SSX5: variants seen among roughly 807,000 people sequenced by gnomAD.
The protein encoded by SSX5 is protein SSX5.
SSX5 carries 14 observed loss-of-function variants against 14.9 expected under a neutral mutation model. The ratio of observed to expected loss-of-function variants is 0.94; its 90% CI spans 0.62 to 1.47. The LOEUF (loss-of-function observed/expected upper bound fraction) is 1.47, where lower values mean the gene tolerates loss of function less well. SSX5 is among the 40% of genes most tolerant of loss of function. SSX5 has a pLI of 0.00. For synonymous variants in SSX5, 70 were observed against 55.4 expected, an observed-to-expected ratio of 1.26 and a Z score of -1.17; for missense variants, 204 against 154.6, an observed-to-expected ratio of 1.32 and a Z score of -1.70.
intron 2 of SSX5, 84 bp from the exon 3 acceptor site, chrX:48,194,938 C>T: frequency 8.3e-7 from 1 of 1,209,120 alleles, no homozygotes; most frequent in Non-Finnish European, 1.1e-6. Context: ...TGTGCTGGAT[C>T]TGGGAAGTAG....
chrX:48,191,515 T>C (rs1556924751), intron 5 of SSX5, among the ~76,000 whole-genome samples: 1 of 110,782 alleles, frequency 9.0e-6, no homozygotes, highest in African/African-American at 3.3e-5. Flanking sequence ...CTCAAGGAGC[T>C]CACAGTAGGG....
intron 6 of SSX5, 110 bp from the exon 7 acceptor site, chrX:48,187,841 A>C (rs1329740004): frequency 1.0e-6 from 1 of 973,826 alleles, no homozygotes; most frequent in South Asian, 2.1e-5. Context: ...CCTCCCCACC[A>C]CCAAGTGCCC....
At chrX:48,195,800 G>T (rs782820034) in intron 1 of SSX5, among the ~76,000 whole-genome samples, 4 of 111,422 alleles carry the variant, frequency 3.6e-5, no homozygotes, top group African/African-American at 1.3e-4. Flanking sequence ...AGATAACATG[G>T]TCTCTCTGGT....
Position 48,186,874 on chromosome X carries a change from A to G in SSX5, c.*5-18T>C. Reference sequence around the variant, plus strand: ...CCCCGAGGCTGAGGCAAGAAGCGAGAAGGAAAGTAAGTGGCAGTGAGTTCC... The same window carrying G: ...CCCCGAGGCTGAGGCAAGAAGCGAGGAGGAAAGTAAGTGGCAGTGAGTTCC... On this transcript the variant is annotated intron_variant, in intron 7 of 7. Coordinates refer to ENST00000347757, the MANE Select transcript of SSX5 (RefSeq NM_175723.2). The G allele has an allele frequency of 8.3e-7, 1 of 1,197,670 alleles. No homozygotes were observed. The highest frequency in any genetic ancestry group is 1.8e-5 in the South Asian group (1 of 56,869).
In SSX5 at chrX:48,193,565, A is replaced by G. The variant is rs868958552; in HGVS notation, c.280+564T>C. On this transcript the variant is annotated intron_variant, in intron 4 of 7. Transcript: ENST00000347757. ...GAAGTTTGAGACCAGCCTGGCCAAC[A>G]TGGTGAAACCCCATCTCTACCAAAA... Among the ~76,000 whole-genome samples, 6 of 110,798 alleles carry G rather than the reference A, an allele frequency of 5.4e-5. No individual in the cohort carries two copies. In the South Asian group the frequency reaches 2.4e-3, roughly 44 times the overall value.
At chrX:48,186,985 C>A (rs782441246) in intron 7 of SSX5, 129 bp from the exon 8 acceptor site, 2 of 831,804 alleles carry the variant, frequency 2.4e-6, no homozygotes, top group Admixed American at 4.5e-5. Context: ...CCTGTACACG[C>A]CTTCCATGGT....
intron 2 of SSX5, 100 bp from the exon 3 acceptor site, chrX:48,194,954 A>C: frequency 8.3e-7 from 1 of 1,210,582 alleles, no homozygotes; most frequent in Admixed American, 2.2e-5. Flanking sequence ...AGTAGGGATG[A>C]TAATCCGTCC....
chrX:48,187,221 G>A (rs1461722206), intron 7 of SSX5, among the ~76,000 whole-genome samples: 1 of 111,224 alleles, frequency 9.0e-6, no homozygotes, highest in Admixed American at 9.6e-5. Flanking sequence ...TTTGGGAGGC[G>A]GAGGCAGATG....
chrX:48,187,581 T>C lies in SSX5; in HGVS notation c.*4+46A>G, dbSNP rs782483642. 6.9e-6 allele frequency: 8 copies of C among 1,163,606 alleles called. No individual in the cohort carries two copies. In the African/African-American group the frequency reaches 8.9e-5, roughly 13 times the overall value. ...ATGGGATACCAGTACCATAACAGAA[T>C]AGCACATCTGCAAGGATGTGGGAGA... is the stretch of plus-strand genomic sequence containing the variant. On this transcript the variant is annotated intron_variant, in intron 7 of 7. Coordinates refer to ENST00000347757, the MANE Select transcript of SSX5 (RefSeq NM_175723.2).
intron 6 of SSX5, 56 bp from the exon 7 acceptor site, chrX:48,187,787 T>A (rs4084877): frequency 8.6e-7 from 1 of 1,166,594 alleles, no homozygotes; most frequent in East Asian, 3.0e-5. Context: ...AGGGTTGGGT[T>A]GATTGGAGAG....
chrX:48,186,707 T>C lies in SSX5; in HGVS notation c.*154A>G. 2.0e-5 allele frequency: 21 copies of C among 1,067,169 alleles called. No individual in the cohort carries two copies. The highest frequency in any genetic ancestry group is 2.7e-5 in the Non-Finnish European group (21 of 780,941). 87.9% of individuals were successfully genotyped at this position (1,067,169 alleles called of 1,213,427 possible). A position where few individuals can be genotyped will look rare whatever the true frequency, so the allele number is the denominator to read the frequency against. ...CACTAACATCGAACTCTTGGCACAC[T>C]AAGAAAAATGACGCTCAACTTTTCA... On this transcript the variant is annotated 3_prime_UTR_variant, in exon 8 of 8. Coordinates refer to ENST00000347757, the MANE Select transcript of SSX5 (RefSeq NM_175723.2).
intron 7 of SSX5, among the ~76,000 whole-genome samples, chrX:48,187,329 G>C (rs1355017745): frequency 1.8e-5 from 2 of 110,733 alleles, no homozygotes; most frequent in Non-Finnish European, 3.8e-5. Flanking sequence ...TCGTGGTGGC[G>C]GGTGCTTGTA....
chrX:48,190,204 G>T lies in SSX5; in HGVS notation c.395C>A (p.Pro132Gln), dbSNP rs782471051. 8.3e-7 allele frequency: 1 copy of T among 1,208,359 alleles called. No homozygotes were observed. Among genetic ancestry groups the T allele is most frequent in the South Asian group, 1.8e-5 (1 of 56,266 alleles). Residue 132 changes from proline to glutamine, a missense_variant, in exon 6 of 8, where the codon CCA becomes CAA. By Grantham distance (76) the Pro-to-Gln change is moderately conservative. Transcript: ENST00000347757. ...GCGCAGCTGTTTCCCATTGTTCTGTGGGCCAGATGCTTCTGGCACTCCCTT... is the reference window on the plus strand; with the variant it reads ...GCGCAGCTGTTTCCCATTGTTCTGTTGGCCAGATGCTTCTGGCACTCCCTT... Reference protein sequence around the residue: ...DSKGVPEASGPQNNGKQLRPS... With the variant: ...DSKGVPEASGQQNNGKQLRPS...
At chrX:48,189,134 A>C (rs1242917413) in intron 6 of SSX5, among the ~76,000 whole-genome samples, 75 of 112,312 alleles carry the variant, frequency 6.7e-4, no homozygotes, top group African/African-American at 2.3e-3. Context: ...TGAAGCAGCA[A>C]ACCCTGATGG....
intron 6 of SSX5, among the ~76,000 whole-genome samples, chrX:48,188,663 T>C (rs1266008032): frequency 1.8e-5 from 2 of 111,508 alleles, no homozygotes; most frequent in African/African-American, 6.5e-5. Context: ...AGTGTTGAAA[T>C]GAAAGGAAGA....
intron 4 of SSX5, among the ~76,000 whole-genome samples, chrX:48,193,474 G>A (rs1368523152): frequency 8.1e-5 from 9 of 111,510 alleles, no homozygotes; most frequent in African/African-American, 2.3e-4. Context: ...CAGGCTGGGC[G>A]TGGTAACTCA....
At chrX:48,194,413 C>CA (rs5902411) in intron 3 of SSX5, among the ~76,000 whole-genome samples, 189 bp from the exon 4 acceptor site, 46 of 96,648 alleles carry the variant, frequency 4.8e-4, no homozygotes, top group African/African-American at 1.6e-3. Flanking sequence ...GACTCTAAGT[C>CA]AAAAAAAAAA....
At chrX:48,192,792 T>C (rs144758019) in intron 4 of SSX5, among the ~76,000 whole-genome samples, 211 of 112,462 alleles carry the variant, frequency 1.9e-3, no homozygotes, top group African/African-American at 6.4e-3. Context: ...AGATCTCTTA[T>C]AGTGATTGTG....
At chrX:48,193,256 C>CTT (rs58651460) in intron 4 of SSX5, among the ~76,000 whole-genome samples, 42 of 102,026 alleles carry the variant, frequency 4.1e-4, no homozygotes, top group Non-Finnish European at 3.8e-4. Flanking sequence ...GTAACATTTT[C>CTT]TTTTTTTTTT....
Sources: allele counts gnomAD v4.1 joint callset (sites outside exome capture counted in the v4.1 genomes callset), GRCh38; gene constraint gnomAD v4.1.1; transcripts MANE v1.5; gene names NCBI Gene and HGNC (gene_info 2026-07-23, HGNC 2026-07-21).